Variants in PARVA observed in about 807,000 individuals in gnomAD.
PARVA encodes alpha-parvin.
Under a neutral mutation model 52.6 loss-of-function variants are expected in PARVA, and 25 were observed. That is an observed-to-expected ratio of 0.48 (90% CI 0.35 to 0.66). PARVA has a LOEUF of 0.66. PARVA is among the 30% of genes least tolerant of loss of function. The probability of loss-of-function intolerance (pLI) is 0.01; values close to 1 mark genes in which losing one functional copy is unlikely to be tolerated. For missense variants in PARVA, 373 were observed against 450.9 expected (o/e 0.83, Z 1.56); for synonymous variants, 185 against 179.1 (o/e 1.03, Z -0.26).
At chr11:12,520,792 A>G (rs1411994055) in intron 12 of PARVA, among the ~76,000 whole-genome samples, 1 of 152,036 alleles carries the variant, frequency 6.6e-6, no homozygotes, top group Non-Finnish European at 1.5e-5. Flanking sequence ...TGTACAAAAA[A>G]TACAAAAAAA....
At chr11:12,490,550 G>C (rs986869799) in intron 4 of PARVA, among the ~76,000 whole-genome samples, 3 of 150,886 alleles carry the variant, frequency 2.0e-5, no homozygotes, top group Non-Finnish European at 4.4e-5. Context: ...GAAAATAAAG[G>C]CATTTTCAAT....
At chr11:12,500,180 C>T (rs372235408) in intron 5 of PARVA, among the ~76,000 whole-genome samples, 3 of 152,248 alleles carry the variant, frequency 2.0e-5, no homozygotes, top group South Asian at 2.1e-4. Flanking sequence ...CACCACAGGA[C>T]GTGTTTGGAA....
intron 1 of PARVA, among the ~76,000 whole-genome samples, chr11:12,410,676 A>C (rs1486722437): frequency 1.3e-5 from 2 of 152,236 alleles, no homozygotes; most frequent in Non-Finnish European, 2.9e-5. Flanking sequence ...AGCTGCCAGA[A>C]TGTTCATTCC....
intron 1 of PARVA, among the ~76,000 whole-genome samples, chr11:12,464,967 T>G (rs1490261614): frequency 1.3e-5 from 2 of 152,166 alleles, no homozygotes; most frequent in African/African-American, 4.8e-5. Context: ...TAAATTCTCA[T>G]AAGGAGCACA....
intron 1 of PARVA, among the ~76,000 whole-genome samples, chr11:12,405,487 C>T (rs532170831): frequency 1.4e-3 from 216 of 152,092 alleles, no homozygotes; most frequent in Non-Finnish European, 2.5e-3. Flanking sequence ...TCACTTGGGC[C>T]CTGGAGGTCA....
chr11:12,465,931 A>T (rs1186542890), intron 1 of PARVA, among the ~76,000 whole-genome samples: 1 of 152,220 alleles, frequency 6.6e-6, no homozygotes, highest in East Asian at 1.9e-4. Context: ...AAAACACCAA[A>T]GTGGCTCTTA....
intron 5 of PARVA, among the ~76,000 whole-genome samples, chr11:12,503,835 A>C (rs1046177302): frequency 6.6e-6 from 1 of 152,192 alleles, no homozygotes. Context: ...GGGTGGATAT[A>C]TTAGGCTGTT....
intron 9 of PARVA, 143 bp downstream of exon 9, chr11:12,513,503 C>T: frequency 2.5e-6 from 2 of 790,402 alleles, no homozygotes; most frequent in East Asian, 4.9e-5. Context: ...TCCCCCTTGC[C>T]ATCCATGTAC....
chr11:12,455,384 A>G (rs1940681371), intron 1 of PARVA, among the ~76,000 whole-genome samples: 1 of 152,220 alleles, frequency 6.6e-6, no homozygotes, highest in Non-Finnish European at 1.5e-5. Context: ...CCAGTTTTCA[A>G]AATGAGTGGG....
At chr11:12,492,650 T>G (rs1941247466) in intron 4 of PARVA, among the ~76,000 whole-genome samples, 1 of 152,136 alleles carries the variant, frequency 6.6e-6, no homozygotes. Context: ...GTTAGAAAAT[T>G]AAAATATGTC....
chr11:12,517,120 C>T (rs1051028655), intron 10 of PARVA, among the ~76,000 whole-genome samples: 8 of 152,128 alleles, frequency 5.3e-5, no homozygotes, highest in Non-Finnish European at 1.2e-4. Context: ...CCTGCTCATC[C>T]TCAGCTCTCC....
At chr11:12,504,264 C>A in intron 5 of PARVA, 50 bp from the exon 6 acceptor site, 1 of 1,068,650 alleles carries the variant, frequency 9.4e-7, no homozygotes, top group Non-Finnish European at 1.4e-6. Flanking sequence ...CTTATATTGC[C>A]TAGAACCTGG....
chr11:12,473,981 AAGGTAAGAAGAAATC>A lies in PARVA; in HGVS notation c.297+2_297+16del, dbSNP rs1257285583. The A allele has an allele frequency of 6.4e-7, 1 of 1,572,156 alleles. No homozygotes were observed. Among genetic ancestry groups the A allele is most frequent in the Non-Finnish European group, 8.6e-7 (1 of 1,158,556 alleles). On this transcript the variant is annotated splice_donor_variant and splice_donor_5th_base_variant and coding_sequence_variant and intron_variant, in exon 3 of 13. Transcript: ENST00000334956. LOFTEE classifies it high-confidence loss of function. ...TGACCCCAAGCTTCAAGAACTGATG[AAGGTAAGAAGAAATC>A]AGGAGCGGCTTCAGGTGCCTCACTG...
At chr11:12,405,345 T>C (rs1411327625) in intron 1 of PARVA, among the ~76,000 whole-genome samples, 2 of 152,234 alleles carry the variant, frequency 1.3e-5, no homozygotes, top group African/African-American at 4.8e-5. Flanking sequence ...ATTGTAATTA[T>C]GCTTTCCCTG....
At chr11:12,470,083 T>A (rs2135032362) in intron 1 of PARVA, among the ~76,000 whole-genome samples, 1 of 152,350 alleles carries the variant, frequency 6.6e-6, no homozygotes, top group African/African-American at 2.4e-5. Flanking sequence ...TGTGCGTGCA[T>A]GCGTACGCAC....
intron 6 of PARVA, among the ~76,000 whole-genome samples, chr11:12,506,774 T>G (rs1016974973): frequency 1.3e-5 from 2 of 152,214 alleles, no homozygotes; most frequent in Admixed American, 1.3e-4. Context: ...GAATTGGTGG[T>G]GAGTCACAGA....
intron 1 of PARVA, among the ~76,000 whole-genome samples, chr11:12,467,479 C>T (rs765178739): frequency 1.3e-5 from 2 of 152,190 alleles, no homozygotes; most frequent in Admixed American, 6.5e-5. Context: ...TCCAATTTCT[C>T]AACATAATGT....
chr11:12,443,368 C>T (rs1424949155), intron 1 of PARVA, among the ~76,000 whole-genome samples: 5 of 151,244 alleles, frequency 3.3e-5, no homozygotes, highest in Non-Finnish European at 7.4e-5. Flanking sequence ...GACGGGGTTT[C>T]ACCATGTTGG....
rs762538049 is a variant in PARVA at position 12,409,231 on chromosome 11, G to A, written c.136+31448G>A. Reference sequence around the variant, plus strand: ...TTATATATATATAATATGTAGTGGTGTGCCTGGTACACAGAGATGCTTCAG... The same window carrying A: ...TTATATATATATAATATGTAGTGGTATGCCTGGTACACAGAGATGCTTCAG... On this transcript the variant is annotated intron_variant, in intron 1 of 12. Coordinates refer to ENST00000334956, the MANE Select transcript of PARVA (RefSeq NM_018222.5). Among the ~76,000 whole-genome samples, 65 of 152,302 alleles carry A rather than the reference G, an allele frequency of 4.3e-4. 1 individual carries two copies. Among genetic ancestry groups the A allele is most frequent in the Middle Eastern group, 6.8e-3 (2 of 294 alleles).
Sources: allele counts gnomAD v4.1 joint callset (sites outside exome capture counted in the v4.1 genomes callset), GRCh38; gene constraint gnomAD v4.1.1; transcripts MANE v1.5; gene names NCBI Gene and HGNC (gene_info 2026-07-23, HGNC 2026-07-21).